The following ADGRG5 variants were observed in gnomAD, a reference collection of about 807,000 sequenced individuals.
The protein encoded by ADGRG5 is G protein-coupled receptor 114.
In ADGRG5, 37 loss-of-function variants were observed where a neutral mutation model predicts 53.2. That is an observed-to-expected ratio of 0.70 (90% confidence interval 0.53 to 0.91). ADGRG5 has a LOEUF of 0.91. ADGRG5 is among the 40% of genes least tolerant of loss of function. The pLI is 0.00. For missense variants in ADGRG5, 614 were observed against 675.8 expected (o/e 0.91, Z 1.01); for synonymous variants, 277 against 290.4 (o/e 0.95, Z 0.47).
chr16:57,568,321 GTCACCTCCTCCACCACCATTA>G (rs1159947278), intron 9 of ADGRG5, among the ~76,000 whole-genome samples, 197 bp downstream of exon 9: 7 of 149,842 alleles, frequency 4.7e-5, no homozygotes, highest in African/African-American at 1.7e-4. Flanking sequence ...CATCATCATC[GTCACCTCCTCCACCACCATTA>G]TCACCTCCTC....
At chr16:57,535,387 T>G in the ADGRG5 span, among the ~76,000 whole-genome samples, 1 of 152,182 alleles carries the variant, frequency 6.6e-6, no homozygotes, top group South Asian at 2.1e-4. Context: ...TTGAACTCCT[T>G]TCTTTACATA....
chr16:57,564,196 A>G (rs563207682), intron 5 of ADGRG5, among the ~76,000 whole-genome samples: 1 of 152,336 alleles, frequency 6.6e-6, no homozygotes, highest in East Asian at 1.9e-4. Flanking sequence ...TCTGCAAATA[A>G]GACCTAAGAA....
At chr16:57,536,977 C>T in the ADGRG5 span, among the ~76,000 whole-genome samples, 38 of 152,318 alleles carry the variant, frequency 2.5e-4, no homozygotes, top group African/African-American at 8.4e-4. Flanking sequence ...TTTCCCTGGG[C>T]CAGCTCTGCC....
chr16:57,539,453 C>CTTTTTT (rs375117285), upstream of ADGRG5, among the ~76,000 whole-genome samples: 7 of 108,778 alleles, frequency 6.4e-5, 3 homozygotes, highest in Non-Finnish European at 6.5e-5. Context: ...GCACTGTACC[C>CTTTTTT]CTTTTTTTTT....
chr16:57,564,445 G>A (rs537184097), intron 5 of ADGRG5, among the ~76,000 whole-genome samples: 1 of 152,216 alleles, frequency 6.6e-6, no homozygotes, highest in Admixed American at 6.5e-5. Flanking sequence ...GGGATTACAG[G>A]CGTGTGCCAT....
intron 1 of ADGRG5, among the ~76,000 whole-genome samples, chr16:57,560,293 T>C (rs895207646): frequency 6.6e-6 from 1 of 152,210 alleles, no homozygotes; most frequent in African/African-American, 2.4e-5. Flanking sequence ...TCTCATTTTG[T>C]TGGAGCACAT....
chr16:57,554,337 C>G (rs2032823744), intron 1 of ADGRG5, among the ~76,000 whole-genome samples: 1 of 150,906 alleles, frequency 6.6e-6, no homozygotes, highest in Non-Finnish European at 1.5e-5. Context: ...TAATTTTTCT[C>G]TACTCCATTT....
chr16:57,571,984 A>AGT (rs1415720781), intron 10 of ADGRG5, among the ~76,000 whole-genome samples: 3 of 152,030 alleles, frequency 2.0e-5, no homozygotes, highest in Non-Finnish European at 2.9e-5. Context: ...AAGGAGCTTT[A>AGT]GTGACACGTC....
upstream of ADGRG5, among the ~76,000 whole-genome samples, chr16:57,538,720 G>C (rs745739487): frequency 6.6e-6 from 1 of 152,180 alleles, no homozygotes; most frequent in Non-Finnish European, 1.5e-5. Flanking sequence ...AGGACAGTCA[G>C]GTTTTTGAGG....
chr16:57,537,115 C>T, the ADGRG5 span, among the ~76,000 whole-genome samples: 2 of 152,182 alleles, frequency 1.3e-5, no homozygotes, highest in Non-Finnish European at 2.9e-5. Context: ...GCACTCGGCC[C>T]GGCGGGCGGA....
intron 1 of ADGRG5, among the ~76,000 whole-genome samples, chr16:57,561,086 G>A (rs1490129924): frequency 4.6e-5 from 7 of 152,254 alleles, no homozygotes; most frequent in Admixed American, 2.0e-4. Context: ...GCCAACAATC[G>A]CTGTTTTTAG....
chr16:57,564,198 A>T (rs2033074927), intron 5 of ADGRG5, among the ~76,000 whole-genome samples: 1 of 152,132 alleles, frequency 6.6e-6, no homozygotes, highest in African/African-American at 2.4e-5. Context: ...TGCAAATAAG[A>T]CCTAAGAAAC....
chr16:57,529,445 G>GA, the ADGRG5 span: 1 of 209,682 alleles, frequency 4.8e-6, no homozygotes. This position sits in a 1 kb window ranked among gnomAD's most constrained non-coding sequence, Gnocchi z 4.1. Flanking sequence ...TCTGTTCCAG[G>GA]AGAGTCCCAA....
At chr16:57,536,098 C>T in the ADGRG5 span, among the ~76,000 whole-genome samples, 30 of 152,280 alleles carry the variant, frequency 2.0e-4, no homozygotes, top group South Asian at 6.2e-3. Context: ...CGCCGCGGCT[C>T]TGGGCAGGGC....
At chr16:57,536,826 T>C in the ADGRG5 span, among the ~76,000 whole-genome samples, 1 of 152,112 alleles carries the variant, frequency 6.6e-6, no homozygotes, top group Non-Finnish European at 1.5e-5. Flanking sequence ...GGCCGAGAGT[T>C]GCGGGGGGGC....
At position 57,563,098 on chromosome 16, in the gene ADGRG5, C is replaced by T. The variant is rs2033044011; in HGVS notation, c.148C>T (p.His50Tyr). The T allele has an allele frequency of 6.2e-7, 1 of 1,614,156 alleles. No individual in the cohort carries two copies. Among genetic ancestry groups the T allele is most frequent in the Non-Finnish European group, 8.5e-7 (1 of 1,180,032 alleles). Residue 50 changes from histidine to tyrosine, a missense_variant, in exon 4 of 12, where the codon CAC becomes TAC. Coordinates refer to ENST00000349457, the MANE Select transcript of ADGRG5 (RefSeq NM_001304376.3). ...CATCTCTCTGGGCTGCAGTCAACTC[C>T]ACCAGCTGGAGCAGATGCTACTGAA... ...RSSVFSSRQL[H>Y]QLEQMLLNTS...
chr16:57,529,270 T>C, the ADGRG5 span: 10 of 1,117,852 alleles, frequency 8.9e-6, no homozygotes, highest in Non-Finnish European at 1.1e-5. The surrounding 1 kb of genome is among the most constrained non-coding windows in gnomAD (Gnocchi z 4.1). Context: ...CTGTGCATGA[T>C]GACGCCGTGC....
chr16:57,544,620 C>G (rs72791645), intron 1 of ADGRG5, among the ~76,000 whole-genome samples: 1 of 152,072 alleles, frequency 6.6e-6, no homozygotes, highest in South Asian at 2.1e-4. Context: ...ATCTATCTCT[C>G]TGGGCCTCAG....
rs1194741845 is a variant in ADGRG5 at position 57,562,154 on chromosome 16, A to T, written c.61A>T (p.Thr21Ser). The stretch of plus-strand genomic sequence containing the variant: ...CCTTCTGACTTTGCAGAATGCAACA[A>T]CAGGTAAGGGGGCTCTGCTGAACTG... ...LCLLTLQNAT[T>S]ETWEELLSYM... Residue 21 changes from threonine to serine, a missense_variant, in exon 2 of 12, where the codon ACA becomes TCA. Physicochemically the swap from Thr to Ser is moderately conservative, Grantham distance 58 (BLOSUM62 1). Coordinates refer to ENST00000349457, the MANE Select transcript of ADGRG5 (RefSeq NM_001304376.3). 6.2e-7 allele frequency: 1 copy of T among 1,601,416 alleles called. No individual in the cohort carries two copies.
Sources: gnomAD v4.1 joint callset for allele counts (sites outside exome capture counted in the v4.1 genomes callset) on GRCh38, gnomAD v4.1.1 for gene constraint, Gnocchi (gnomAD v3.1) non-coding constraint, MANE v1.5 for transcripts, NCBI Gene and HGNC (gene_info 2026-07-23, HGNC 2026-07-21) for gene names.